PRKN: variants seen among roughly 807,000 people sequenced by gnomAD.
PRKN encodes E3 ubiquitin-protein ligase parkin.
A neutral mutation model predicts 59.5 loss-of-function variants in PRKN; 56 were observed. The ratio of observed to expected loss-of-function variants is 0.94; its 90% CI spans 0.76 to 1.18. PRKN has a LOEUF of 1.18. Among genes scored for constraint, PRKN ranks in the 50% most tolerant of loss-of-function variants. The pLI is 0.00. For missense variants in PRKN, 657 were observed against 596.4 expected (o/e 1.10, Z -1.06); for synonymous variants, 250 against 222.1 (o/e 1.13, Z -1.12).
intron 9 of PRKN, among the ~76,000 whole-genome samples, chr6:161,514,192 GA>G (rs905673948): frequency 1.4e-4 from 21 of 151,894 alleles, no homozygotes; most frequent in Admixed American, 1.2e-3. Flanking sequence ...AGAGAGAGTG[GA>G]AAAAAACAAA....
intron 1 of PRKN, among the ~76,000 whole-genome samples, chr6:162,627,964 G>T (rs528023370): frequency 2.6e-5 from 4 of 152,052 alleles, no homozygotes; most frequent in African/African-American, 9.7e-5. Flanking sequence ...CAAACCACTC[G>T]GTATCACTCG....
intron 1 of PRKN, among the ~76,000 whole-genome samples, chr6:162,631,103 G>C (rs1220715833): frequency 6.6e-6 from 1 of 152,006 alleles, no homozygotes; most frequent in African/African-American, 2.4e-5. Context: ...AACACTAATG[G>C]AGCTGCCACA....
intron 7 of PRKN, among the ~76,000 whole-genome samples, chr6:161,752,143 G>A (rs1406986506): frequency 6.6e-6 from 1 of 152,192 alleles, no homozygotes; most frequent in Non-Finnish European, 1.5e-5. Context: ...AGGCTGAGGT[G>A]GGTGGATCAC....
chr6:161,509,364 G>C (rs1243480435), intron 9 of PRKN, among the ~76,000 whole-genome samples: 1 of 152,032 alleles, frequency 6.6e-6, no homozygotes, highest in Non-Finnish European at 1.5e-5. Flanking sequence ...TCCATTCTGA[G>C]ATCAAAAAGA....
chr6:162,426,914 A>G (rs1007922482), intron 2 of PRKN, among the ~76,000 whole-genome samples: 1 of 152,228 alleles, frequency 6.6e-6, no homozygotes, highest in Admixed American at 6.5e-5. Context: ...ACAGCATCAA[A>G]GTTAAGGAGA....
chr6:162,044,175 T>C (rs77979371), intron 5 of PRKN, among the ~76,000 whole-genome samples: 2 of 152,354 alleles, frequency 1.3e-5, no homozygotes, highest in East Asian at 3.9e-4. Flanking sequence ...TTGTTCCTTA[T>C]GCCATCACTC....
intron 7 of PRKN, among the ~76,000 whole-genome samples, chr6:161,774,179 A>T (rs76292379): frequency 0.024 from 3,695 of 151,814 alleles, 141 homozygotes; most frequent in African/African-American, 0.08. Flanking sequence ...TGTACCAGTC[A>T]CTCCTTATAA....
chr6:162,164,869 T>G (rs1407441346), intron 4 of PRKN, among the ~76,000 whole-genome samples: 1 of 148,948 alleles, frequency 6.7e-6, no homozygotes, highest in East Asian at 1.9e-4. Flanking sequence ...TTTTTACATA[T>G]ATTAGAAACT....
intron 6 of PRKN, among the ~76,000 whole-genome samples, chr6:161,852,370 T>C (rs1793474861): frequency 6.6e-6 from 1 of 152,028 alleles, no homozygotes; most frequent in Admixed American, 6.6e-5. Flanking sequence ...GGAGGATCAC[T>C]TGAACCCAAG....
intron 1 of PRKN, among the ~76,000 whole-genome samples, chr6:162,586,617 A>T (rs1222901451): frequency 6.6e-6 from 1 of 152,174 alleles, no homozygotes; most frequent in Non-Finnish European, 1.5e-5. Context: ...GAAATCTACC[A>T]CGAGGGGCTA....
chr6:161,898,269 G>T (rs1193392539), intron 6 of PRKN, among the ~76,000 whole-genome samples: 1 of 150,534 alleles, frequency 6.6e-6, no homozygotes, highest in Non-Finnish European at 1.5e-5. Context: ...TTTGAATTAC[G>T]GAAGTATTTT....
intron 6 of PRKN, among the ~76,000 whole-genome samples, chr6:161,787,616 AT>A (rs1318145012): frequency 6.6e-6 from 1 of 152,216 alleles, no homozygotes; most frequent in Non-Finnish European, 1.5e-5. Context: ...ATATTAGAAC[AT>A]TTATGAAAAT....
At chr6:162,185,266 T>A (rs932809879) in intron 4 of PRKN, among the ~76,000 whole-genome samples, 3 of 152,178 alleles carry the variant, frequency 2.0e-5, no homozygotes, top group African/African-American at 4.8e-5. Flanking sequence ...AATTTCAAGC[T>A]GTACAAGGTA....
intron 2 of PRKN, among the ~76,000 whole-genome samples, chr6:162,431,073 C>A (rs544316892): frequency 4.8e-4 from 73 of 152,034 alleles, no homozygotes; most frequent in Non-Finnish European, 7.8e-4. Flanking sequence ...TTAAAAAAAA[C>A]AGGGCTGGCA....
At chr6:162,301,238 G>A (rs1345644397) in intron 2 of PRKN, among the ~76,000 whole-genome samples, 2 of 152,050 alleles carry the variant, frequency 1.3e-5, no homozygotes, top group Non-Finnish European at 1.5e-5. Flanking sequence ...AAGTAAAGTA[G>A]CGCGTCCATG....
chr6:162,725,211 A>C (rs1779094744), intron 1 of PRKN, among the ~76,000 whole-genome samples: 1 of 152,230 alleles, frequency 6.6e-6, no homozygotes, highest in Non-Finnish European at 1.5e-5. Context: ...TAATAGTTAG[A>C]GAAAGCATAG....
At chr6:161,565,475 T>A (rs750519380) in intron 8 of PRKN, among the ~76,000 whole-genome samples, 2 of 152,166 alleles carry the variant, frequency 1.3e-5, no homozygotes, top group Non-Finnish European at 2.9e-5. Flanking sequence ...GATTGGATCA[T>A]GGGGATGATT....
intron 1 of PRKN, among the ~76,000 whole-genome samples, chr6:162,467,342 A>G (rs971756214): frequency 6.6e-6 from 1 of 152,136 alleles, no homozygotes; most frequent in African/African-American, 2.4e-5. Context: ...TGGATGAAGT[A>G]TGGGAGGTAT....
At chr6:161,573,926 T>G (rs1359239912) in intron 7 of PRKN, among the ~76,000 whole-genome samples, 2 of 150,992 alleles carry the variant, frequency 1.3e-5, no homozygotes, top group Non-Finnish European at 3.0e-5. Flanking sequence ...AATTTTAAAT[T>G]AGCTTATCTT....
Sources: gnomAD v4.1 joint callset for allele counts (sites outside exome capture counted in the v4.1 genomes callset) on GRCh38, gnomAD v4.1.1 for gene constraint, MANE v1.5 for transcripts, NCBI Gene and HGNC (gene_info 2026-07-23, HGNC 2026-07-21) for gene names.